PLEKHG7: variants seen among roughly 807,000 people sequenced by gnomAD.
PLEKHG7 encodes the protein pleckstrin homology domain-containing family G member 7.
PLEKHG7 carries 77 observed loss-of-function variants against 85.2 expected under a neutral mutation model. The observed-to-expected ratio is 0.90, with a 90% CI of 0.75 to 1.09. The LOEUF is 1.09. PLEKHG7 is among the 50% of genes least tolerant of loss of function. The pLI, the probability that PLEKHG7 is intolerant of heterozygous loss-of-function variation, is 0.00. For missense variants in PLEKHG7, 777 were observed against 804.3 expected (o/e 0.97, Z 0.41); for synonymous variants, 301 against 302.4 (o/e 1.00, Z 0.05).
chr12:92,726,568 C>T (rs1871823717), intron 3 of PLEKHG7, among the ~76,000 whole-genome samples: 1 of 152,032 alleles, frequency 6.6e-6, no homozygotes, highest in South Asian at 2.1e-4. Flanking sequence ...ACTGTGAGTC[C>T]CTACAGTTCC....
Position 92,759,542 on chromosome 12 carries a change from T to A in PLEKHG7, c.1637-2210T>A, listed in dbSNP as rs545564314. ...ATGTCCAGTATGACTATACTTGGAA[T>A]AAGGAAGAAATGCAGGTAAAATGAG... On this transcript the variant is annotated intron_variant, in intron 13 of 16. Transcript: ENST00000344636. Among the ~76,000 whole-genome samples the A allele has an allele frequency of 2.6e-5, 4 of 152,264 alleles. No individual in the cohort carries two copies. In the East Asian group the frequency reaches 7.7e-4, roughly 29 times the overall value.
At chr12:92,751,662 C>T (rs1872693255) in intron 10 of PLEKHG7, among the ~76,000 whole-genome samples, 1 of 152,052 alleles carries the variant, frequency 6.6e-6, no homozygotes, top group African/African-American at 2.4e-5. Flanking sequence ...GCATGAGCCA[C>T]CACGCCCGGC....
chr12:92,709,326 G>T (rs2136570317), intron 3 of PLEKHG7, among the ~76,000 whole-genome samples: 1 of 152,342 alleles, frequency 6.6e-6, no homozygotes, highest in Admixed American at 6.5e-5. Flanking sequence ...CTTCAAGAAT[G>T]ACCTCCAAGC....
intron 3 of PLEKHG7, 115 bp from the exon 4 acceptor site, chr12:92,728,878 C>T: frequency 1.3e-6 from 1 of 768,988 alleles, no homozygotes; most frequent in South Asian, 6.9e-5. Context: ...CTATAAGCAT[C>T]CCTTTCTCCA....
chr12:92,768,925 T>C lies in PLEKHG7; in HGVS notation c.1871-58T>C, dbSNP rs565807462. The C allele has an allele frequency of 2.0e-4, 246 of 1,215,146 alleles. 1 individual carries two copies. The South Asian group carries it at 3.1e-3, about 15-fold the overall frequency. The allele number at this position is 1,215,146 out of a possible 1,614,324, so 75.3% of individuals were successfully genotyped here. On this transcript the variant is annotated intron_variant, in intron 15 of 16. Transcript: ENST00000344636. ...AACCCCAGATTCTTGTACTAAGAAA[T>C]TGTTTGGATTTCATATGAAATGATT...
At chr12:92,721,702 CAAAAAAAAAA>C (rs71069170) in intron 3 of PLEKHG7, among the ~76,000 whole-genome samples, 5 of 43,368 alleles carry the variant, frequency 1.2e-4, no homozygotes, top group South Asian at 2.8e-3. Context: ...AGCATAAAAC[CAAAAAAAAAA>C]AAAAAAAAAA....
At chr12:92,707,942 A>C in intron 3 of PLEKHG7, 1 of 501,690 alleles carries the variant, frequency 2.0e-6, no homozygotes. Context: ...CCTGTGGCTT[A>C]ATTAACATCC....
chr12:92,711,901 C>T (rs1049016805), intron 3 of PLEKHG7, among the ~76,000 whole-genome samples: 1 of 151,856 alleles, frequency 6.6e-6, no homozygotes, highest in Non-Finnish European at 1.5e-5. Flanking sequence ...GAGTAACACA[C>T]CCAAATGAGG....
intron 10 of PLEKHG7, among the ~76,000 whole-genome samples, chr12:92,746,963 G>A (rs1278440157): frequency 6.6e-6 from 1 of 152,038 alleles, no homozygotes; most frequent in Non-Finnish European, 1.5e-5. Flanking sequence ...TGAGGACATT[G>A]GTCTACACAA....
intron 3 of PLEKHG7, chr12:92,707,926 C>T: frequency 9.0e-6 from 5 of 555,392 alleles, no homozygotes; most frequent in South Asian, 2.8e-5. Context: ...TTGTCAATGT[C>T]TTGGCCCTGT....
chr12:92,722,289 G>C (rs1162959337), intron 3 of PLEKHG7, among the ~76,000 whole-genome samples: 1 of 152,096 alleles, frequency 6.6e-6, no homozygotes, highest in African/African-American at 2.4e-5. Context: ...AATTGACATA[G>C]AGGCACATTT....
At chr12:92,740,029 G>A (rs911909547) in intron 7 of PLEKHG7, among the ~76,000 whole-genome samples, 2 of 152,142 alleles carry the variant, frequency 1.3e-5, no homozygotes, top group African/African-American at 2.4e-5. Context: ...AAGTTGCCAG[G>A]TGATTCCGAT....
At chr12:92,766,423 G>T (rs1167837478) in intron 15 of PLEKHG7, among the ~76,000 whole-genome samples, 3 of 152,178 alleles carry the variant, frequency 2.0e-5, no homozygotes, top group Non-Finnish European at 4.4e-5. Context: ...GTTCAGTGTA[G>T]TCACAACCCT....
intron 16 of PLEKHG7, among the ~76,000 whole-genome samples, chr12:92,769,628 C>G (rs761506555): frequency 2.0e-5 from 3 of 152,066 alleles, no homozygotes; most frequent in Non-Finnish European, 4.4e-5. Context: ...TTTGTATTTC[C>G]CCTGGTAGGC....
At chr12:92,722,800 C>T (rs1031526292) in intron 3 of PLEKHG7, among the ~76,000 whole-genome samples, 2 of 152,170 alleles carry the variant, frequency 1.3e-5, no homozygotes, top group South Asian at 2.1e-4. Flanking sequence ...GTCAGTATTT[C>T]GATCTATAGG....
intron 10 of PLEKHG7, among the ~76,000 whole-genome samples, chr12:92,749,986 AT>A (rs1325479678): frequency 1.6e-3 from 131 of 81,838 alleles, no homozygotes; most frequent in African/African-American, 6.4e-3. Flanking sequence ...ATTTTATTTT[AT>A]TATTTTATTT....
chr12:92,710,087 A>T (rs149973515), intron 3 of PLEKHG7, among the ~76,000 whole-genome samples: 1 of 152,330 alleles, frequency 6.6e-6, no homozygotes, highest in Non-Finnish European at 1.5e-5. Flanking sequence ...GTAATGTCAC[A>T]GGAACAGGAG....
At chr12:92,715,692 A>G (rs914742593) in intron 3 of PLEKHG7, among the ~76,000 whole-genome samples, 9 of 136,978 alleles carry the variant, frequency 6.6e-5, no homozygotes, top group Non-Finnish European at 1.2e-4. Flanking sequence ...CCCACTGTCT[A>G]TCTAAGAGCA....
intron 15 of PLEKHG7, among the ~76,000 whole-genome samples, chr12:92,767,533 G>A (rs1307659194): frequency 1.3e-5 from 2 of 151,706 alleles, no homozygotes. Flanking sequence ...ATTTTAATAG[G>A]TTTAAGTCCT....
Sources: allele counts gnomAD v4.1 joint callset (sites outside exome capture counted in the v4.1 genomes callset), GRCh38; gene constraint gnomAD v4.1.1; transcripts MANE v1.5; gene names NCBI Gene and HGNC (gene_info 2026-07-23, HGNC 2026-07-21).